The following SLC13A1 variants were observed in gnomAD, a reference collection of about 807,000 sequenced individuals.
The protein encoded by SLC13A1 is solute carrier family 13 member 1.
A neutral mutation model predicts 70.0 loss-of-function variants in SLC13A1; 65 were observed. The ratio of observed to expected loss-of-function variants is 0.93; its 90% CI spans 0.76 to 1.14. The LOEUF is 1.14. Among genes scored for constraint, SLC13A1 ranks in the 50% most tolerant of loss-of-function variants. SLC13A1 has a pLI of 0.00. For missense variants in SLC13A1, 726 were observed against 717.8 expected (o/e 1.01, Z -0.13); for synonymous variants, 275 against 250.5 (o/e 1.10, Z -0.92).
chr7:123,141,170 G>A (rs944728988), intron 7 of SLC13A1, among the ~76,000 whole-genome samples: 3 of 151,934 alleles, frequency 2.0e-5, no homozygotes, highest in African/African-American at 7.2e-5. Flanking sequence ...TATTGACCCA[G>A]TGGTCATTCA....
At chr7:123,149,117 G>A (rs935196182) in intron 6 of SLC13A1, among the ~76,000 whole-genome samples, 3 of 152,072 alleles carry the variant, frequency 2.0e-5, no homozygotes, top group African/African-American at 7.2e-5. Context: ...CACTCATGGT[G>A]TCTGCATGTG....
intron 1 of SLC13A1, among the ~76,000 whole-genome samples, chr7:123,186,246 T>C (rs1187764299): frequency 6.6e-6 from 1 of 152,098 alleles, no homozygotes; most frequent in Non-Finnish European, 1.5e-5. Flanking sequence ...TTTGTGTTAT[T>C]CACATCTATT....
rs141837365 is a variant in SLC13A1, at chr7:123,151,541, T to G, written c.661-4231A>C. Among the ~76,000 whole-genome samples the G allele has an allele frequency of 7.4e-3, 1,130 of 152,164 alleles. 21 individuals are homozygous for G. The highest frequency in any genetic ancestry group is 5.8e-3 in the Non-Finnish European group (392 of 68,020). On this transcript the variant is annotated intron_variant, in intron 6 of 14. Coordinates refer to ENST00000194130, the MANE Select transcript of SLC13A1 (RefSeq NM_022444.4). ...TCACCATCACTATAACAACAAACACTTATAGTGTCCTTAGCATGTAATAAG... is the reference window on the plus strand; with the variant it reads ...TCACCATCACTATAACAACAAACACGTATAGTGTCCTTAGCATGTAATAAG...
chr7:123,148,961 T>C (rs963434007), intron 6 of SLC13A1, among the ~76,000 whole-genome samples: 1 of 152,182 alleles, frequency 6.6e-6, no homozygotes, highest in African/African-American at 2.4e-5. Flanking sequence ...ATTAGTACTT[T>C]CCAGGCATGG....
intron 14 of SLC13A1, among the ~76,000 whole-genome samples, chr7:123,115,958 G>A (rs1030373912): frequency 3.9e-5 from 6 of 152,086 alleles, no homozygotes; most frequent in Admixed American, 3.9e-4. Context: ...CGTTGAGTTG[G>A]AGATTCTCAG....
At chr7:123,129,830 C>T (rs184060404) in intron 8 of SLC13A1, among the ~76,000 whole-genome samples, 11 of 152,206 alleles carry the variant, frequency 7.2e-5, no homozygotes, top group East Asian at 5.8e-4. Flanking sequence ...CATTTTATTA[C>T]GTACTGGATC....
intron 6 of SLC13A1, among the ~76,000 whole-genome samples, chr7:123,165,744 T>C (rs1389461683): frequency 6.6e-6 from 1 of 152,204 alleles, no homozygotes. Context: ...AGCTCATCTC[T>C]AGCATCTGCA....
chr7:123,189,231 CTTTT>C (rs922558127), intron 1 of SLC13A1, among the ~76,000 whole-genome samples: 4 of 149,606 alleles, frequency 2.7e-5, no homozygotes, highest in Non-Finnish European at 4.4e-5. Flanking sequence ...GAATCTAACA[CTTTT>C]TTTTTCTCAA....
chr7:123,132,884 T>G (rs1270737415), intron 8 of SLC13A1, among the ~76,000 whole-genome samples: 2 of 152,222 alleles, frequency 1.3e-5, no homozygotes. Context: ...TCTGGAGCCC[T>G]TCATAATTTT....
At chr7:123,119,312 A>T (rs947124173) in intron 12 of SLC13A1, 70 bp from the exon 13 acceptor site, 3 of 1,040,746 alleles carry the variant, frequency 2.9e-6, no homozygotes, top group Admixed American at 2.6e-5. Flanking sequence ...TAAAATCCAT[A>T]AAAAAACATT....
At position 123,117,620 on chromosome 7, in the gene SLC13A1, G is replaced by T; in HGVS notation, c.1513-12C>A. On this transcript the variant is annotated splice_polypyrimidine_tract_variant and intron_variant, in intron 13 of 14. Transcript: ENST00000194130. The stretch of plus-strand genomic sequence containing the variant: ...TGAATGGCTTCGGCCTGTTGTAAGA[G>T]ATAAAAAAGAGTCTAAGTAAAATTT... 6.6e-7 allele frequency: 1 copy of T among 1,505,976 alleles called. No individual in the cohort carries two copies. Among genetic ancestry groups the T allele is most frequent in the South Asian group, 1.4e-5 (1 of 72,282 alleles). The allele number at this position is 1,505,976 out of a possible 1,614,324, so 93.3% of individuals were successfully genotyped here. A position where few individuals can be genotyped will look rare whatever the true frequency, so the allele number is the denominator to read the frequency against.
chr7:123,133,200 A>C (rs1793825860), intron 8 of SLC13A1, among the ~76,000 whole-genome samples: 2 of 152,178 alleles, frequency 1.3e-5, no homozygotes, highest in South Asian at 4.2e-4. Context: ...ATGATCTCTT[A>C]TCTGGCCTCT....
chr7:123,181,273 A>G (rs2116617284), intron 1 of SLC13A1, 172 bp from the exon 2 acceptor site: 1 of 555,986 alleles, frequency 1.8e-6, no homozygotes, highest in Non-Finnish European at 3.0e-6. Context: ...AGTTCTAAGA[A>G]GCAAAATTTA....
intron 7 of SLC13A1, among the ~76,000 whole-genome samples, chr7:123,138,480 A>G (rs557177299): frequency 4.5e-4 from 68 of 152,074 alleles, no homozygotes; most frequent in Non-Finnish European, 8.1e-4. Flanking sequence ...TTAGTTTTTG[A>G]GGAACTTCCA....
At position 123,169,266 on chromosome 7, in the gene SLC13A1, G is replaced by A; in HGVS notation, c.435C>T (p.Ala145=). 6.2e-7 allele frequency: 1 copy of A among 1,613,982 alleles called. No homozygotes were observed. The highest frequency in any genetic ancestry group is 8.5e-7 in the Non-Finnish European group (1 of 1,179,994). The part of the protein sequence containing the change: ...SMWLSNTSTA[A]MVMPIAEAVV... Reference sequence around the variant, plus strand: ...CAGCCTCCGCAATGGGCATCACCATGGCAGCCGTCGAGGTGTTGCTGAGCC... The same window carrying A: ...CAGCCTCCGCAATGGGCATCACCATAGCAGCCGTCGAGGTGTTGCTGAGCC... The change falls in exon 4 of 15, where the codon GCC becomes GCT. Residue 145 remains alanine (A), a synonymous_variant. Transcript: ENST00000194130.
chr7:123,122,958 G>A (rs1441276487), intron 12 of SLC13A1, among the ~76,000 whole-genome samples, 168 bp downstream of exon 12: 2 of 151,986 alleles, frequency 1.3e-5, no homozygotes, highest in African/African-American at 4.8e-5. Context: ...AATATTTCTT[G>A]AACTCTGAAC....
rs758348342 is a variant in SLC13A1, at chr7:123,181,040, G to C, written c.161C>G (p.Pro54Arg). 6 of 1,612,348 alleles carry C rather than the reference G, an allele frequency of 3.7e-6. No homozygotes were observed. Among genetic ancestry groups the C allele is most frequent in the Non-Finnish European group, 5.1e-6 (6 of 1,178,816 alleles). ...AGGTAGCAAAGCTGTTACCGACAGA[G>C]GCAATGCTTCTGTGAGCCAAAATGT... ...VATFWLTEAL[P>R]LSVTALLPSL... The change falls in exon 2 of 15, where the codon CCT becomes CGT. Residue 54 changes from proline to arginine, a missense_variant. Pro to Arg is a moderately radical substitution (Grantham distance 103, BLOSUM62 -2). Transcript: ENST00000194130.
At chr7:123,196,482 G>C (rs1000255461) in intron 1 of SLC13A1, among the ~76,000 whole-genome samples, 24 of 152,030 alleles carry the variant, frequency 1.6e-4, no homozygotes, top group African/African-American at 2.4e-5. Flanking sequence ...GGAAAAATCT[G>C]TGTAGCCAGA....
At chr7:123,171,074 G>A (rs183613427) in intron 3 of SLC13A1, among the ~76,000 whole-genome samples, 2 of 152,120 alleles carry the variant, frequency 1.3e-5, no homozygotes, top group African/African-American at 4.8e-5. Flanking sequence ...TTCAAAGAAA[G>A]ATGAGAAGGG....
Sources: allele counts gnomAD v4.1 joint callset (sites outside exome capture counted in the v4.1 genomes callset), GRCh38; gene constraint gnomAD v4.1.1; transcripts MANE v1.5; gene names NCBI Gene and HGNC (gene_info 2026-07-23, HGNC 2026-07-21).